HERPUD2: variants seen among roughly 807,000 people sequenced by gnomAD.
HERPUD2 encodes the protein HERPUD family member 2.
In HERPUD2, 13 loss-of-function variants were observed where a neutral mutation model predicts 49.9. The ratio of observed to expected loss-of-function variants is 0.26; its 90% confidence interval spans 0.17 to 0.41. The LOEUF is 0.41. Among genes scored for constraint, HERPUD2 ranks in the 10% least tolerant of loss-of-function variants. The probability of loss-of-function intolerance (pLI) is 1.00; values close to 1 mark genes in which losing one functional copy is unlikely to be tolerated. For synonymous variants in HERPUD2, 172 were observed against 171.4 expected, an observed-to-expected ratio of 1.00 and a Z score of -0.03; for missense variants, 449 against 492.2, an observed-to-expected ratio of 0.91 and a Z score of 0.83.
chr7:35,686,546 C>A (rs1333391269), intron 2 of HERPUD2, among the ~76,000 whole-genome samples: 2 of 146,150 alleles, frequency 1.4e-5, no homozygotes, highest in Non-Finnish European at 3.0e-5. Context: ...GGTGAAACCC[C>A]GTCTCTACTA....
intron 5 of HERPUD2, among the ~76,000 whole-genome samples, chr7:35,661,751 T>G (rs1184758804): frequency 1.3e-5 from 2 of 152,242 alleles, no homozygotes; most frequent in African/African-American, 4.8e-5. Context: ...CTGAAGTTGC[T>G]TATCAGCTTA....
chr7:35,634,111 A>G (rs1784831744), intron 8 of HERPUD2, among the ~76,000 whole-genome samples: 1 of 152,190 alleles, frequency 6.6e-6, no homozygotes, highest in African/African-American at 2.4e-5. Context: ...ACTTCTTCCC[A>G]TTTAGTTATA....
At chr7:35,693,206 A>C (rs1786230576) in intron 2 of HERPUD2, among the ~76,000 whole-genome samples, 1 of 152,204 alleles carries the variant, frequency 6.6e-6, no homozygotes, top group South Asian at 2.1e-4. Context: ...TGCAATATCC[A>C]GTTATGATTC....
rs370791994 is a variant in HERPUD2 at position 35,633,213 on chromosome 7, C to A, written c.*477G>T. 6.6e-6 allele frequency: 1 copy of A among 152,040 alleles called. No individual in the cohort carries two copies. Among genetic ancestry groups the A allele is most frequent in the African/African-American group, 2.4e-5 (1 of 41,312 alleles). The allele number at this position is 152,040 out of a possible 1,614,324, so 9.4% of individuals were successfully genotyped here. On this transcript the variant is annotated 3_prime_UTR_variant, in exon 9 of 9. Coordinates refer to ENST00000311350, the MANE Select transcript of HERPUD2 (RefSeq NM_022373.5). The stretch of plus-strand genomic sequence containing the variant: ...CCCCAAGTAGCTGGGATTACAGGCG[C>A]GTGACACCACACCCGGCTAATTTTT...
chr7:35,665,458 C>T (rs973438526), intron 5 of HERPUD2, among the ~76,000 whole-genome samples: 1 of 152,230 alleles, frequency 6.6e-6, no homozygotes, highest in Non-Finnish European at 1.5e-5. Flanking sequence ...TTTGCTAAGG[C>T]CATTGGAAAA....
intron 4 of HERPUD2, among the ~76,000 whole-genome samples, chr7:35,668,819 T>G (rs910465591): frequency 6.6e-6 from 1 of 152,138 alleles, no homozygotes; most frequent in African/African-American, 2.4e-5. Flanking sequence ...AATACAATTA[T>G]TAGAAGAAAA....
intron 5 of HERPUD2, among the ~76,000 whole-genome samples, chr7:35,654,078 A>G (rs1680156602): frequency 1.3e-5 from 2 of 152,220 alleles, no homozygotes; most frequent in Admixed American, 1.3e-4. Context: ...AGTGGTGCTA[A>G]GAGAGATGTT....
chr7:35,679,620 C>A (rs1339665495), intron 2 of HERPUD2, among the ~76,000 whole-genome samples: 2 of 152,160 alleles, frequency 1.3e-5, no homozygotes, highest in Non-Finnish European at 2.9e-5. Context: ...CTGGTTTTTG[C>A]CCTGCCAGAG....
intron 5 of HERPUD2, among the ~76,000 whole-genome samples, chr7:35,642,344 C>T (rs1255952249): frequency 6.6e-6 from 1 of 152,178 alleles, no homozygotes; most frequent in Non-Finnish European, 1.5e-5. Context: ...AAAGTGAACA[C>T]TTCTACACTG....
chr7:35,678,424 C>T (rs1043320405), intron 2 of HERPUD2, among the ~76,000 whole-genome samples: 1 of 152,012 alleles, frequency 6.6e-6, no homozygotes, highest in East Asian at 1.9e-4. Flanking sequence ...CCTCAGCCTT[C>T]GGAGTAGCTG....
chr7:35,634,161 A>G, intron 8 of HERPUD2, 151 bp downstream of exon 8: 1 of 608,078 alleles, frequency 1.6e-6, no homozygotes, highest in South Asian at 2.3e-5. Context: ...AGTTCTCCCA[A>G]ATGAAACCAC....
At chr7:35,659,797 T>G (rs2115916835) in intron 5 of HERPUD2, among the ~76,000 whole-genome samples, 1 of 152,332 alleles carries the variant, frequency 6.6e-6, no homozygotes, top group African/African-American at 2.4e-5. Flanking sequence ...TGCTCAGTAC[T>G]TTAACACTCA....
At chr7:35,652,895 A>C (rs1785197114) in intron 5 of HERPUD2, among the ~76,000 whole-genome samples, 1 of 152,162 alleles carries the variant, frequency 6.6e-6, no homozygotes. Context: ...CCCGGAAGGA[A>C]ACACATCAAA....
intron 3 of HERPUD2, among the ~76,000 whole-genome samples, chr7:35,671,862 A>C (rs1785650899): frequency 6.6e-6 from 1 of 151,948 alleles, no homozygotes; most frequent in South Asian, 2.1e-4. Context: ...GCATAAAATA[A>C]TTAATATATC....
chr7:35,652,431 T>G (rs1441565496), intron 5 of HERPUD2, among the ~76,000 whole-genome samples: 3 of 152,046 alleles, frequency 2.0e-5, no homozygotes, highest in Non-Finnish European at 2.9e-5. Flanking sequence ...AGTCAAACTG[T>G]CAAAGGCAAA....
chr7:35,684,856 A>G (rs1786000044), intron 2 of HERPUD2, among the ~76,000 whole-genome samples: 1 of 152,208 alleles, frequency 6.6e-6, no homozygotes, highest in South Asian at 2.1e-4. Flanking sequence ...GAACTTACTC[A>G]TGTAACCAAA....
intron 5 of HERPUD2, among the ~76,000 whole-genome samples, chr7:35,665,254 G>A (rs1474697171): frequency 2.6e-5 from 4 of 152,232 alleles, no homozygotes; most frequent in Admixed American, 1.3e-4. Context: ...CTTGAGCTGA[G>A]GTGGGCTCCA....
At chr7:35,693,417 T>A (rs1786236049) in intron 2 of HERPUD2, among the ~76,000 whole-genome samples, 1 of 152,202 alleles carries the variant, frequency 6.6e-6, no homozygotes, top group Non-Finnish European at 1.5e-5. Flanking sequence ...AGTATAATTT[T>A]TATAGGGGAC....
At chr7:35,692,598 A>C (rs1188578097) in intron 2 of HERPUD2, among the ~76,000 whole-genome samples, 1 of 152,244 alleles carries the variant, frequency 6.6e-6, no homozygotes, top group African/African-American at 2.4e-5. Context: ...AAAGATGTGA[A>C]TAAACAGGGG....
Sources: allele counts gnomAD v4.1 joint callset (sites outside exome capture counted in the v4.1 genomes callset), GRCh38; gene constraint gnomAD v4.1.1; transcripts MANE v1.5; gene names NCBI Gene and HGNC (gene_info 2026-07-23, HGNC 2026-07-21).